Variants in CTNNA2 observed in about 807,000 individuals in gnomAD.
CTNNA2 encodes catenin alpha 2.
Under a neutral mutation model 101.0 loss-of-function variants are expected in CTNNA2, and 42 were observed. That is an observed-to-expected ratio of 0.42 (90% CI 0.32 to 0.54). The LOEUF is 0.54. Ranked by LOEUF, CTNNA2 falls within the 20% of genes least tolerant of loss-of-function variation. The probability of loss-of-function intolerance (pLI) is 0.14; values close to 1 mark genes in which losing one functional copy is unlikely to be tolerated. For missense variants in CTNNA2, 871 were observed against 1,223.1 expected (o/e 0.71, Z 4.29); for synonymous variants, 450 against 456.4 (o/e 0.99, Z 0.18).
chr2:80,438,267 C>T (rs926892870), intron 9 of CTNNA2, among the ~76,000 whole-genome samples: 1 of 152,090 alleles, frequency 6.6e-6, no homozygotes. Flanking sequence ...TGGATTAGGG[C>T]CCATCCTCAT....
intron 7 of CTNNA2, among the ~76,000 whole-genome samples, chr2:80,183,000 G>A (rs1243648351): frequency 1.3e-5 from 2 of 152,172 alleles, no homozygotes; most frequent in Non-Finnish European, 2.9e-5. Context: ...ACTTCGGTTA[G>A]GACAGTTTGC....
chr2:80,300,537 T>C (rs922322347), intron 7 of CTNNA2, among the ~76,000 whole-genome samples: 2 of 152,056 alleles, frequency 1.3e-5, no homozygotes, highest in African/African-American at 4.8e-5. Flanking sequence ...CTAAGATTGG[T>C]AGCTGGAGAC....
chr2:79,221,875 C>A (rs1233554015), intron 2 of CTNNA2, among the ~76,000 whole-genome samples: 1 of 152,124 alleles, frequency 6.6e-6, no homozygotes, highest in Non-Finnish European at 1.5e-5. Context: ...AGGAGGGTAC[C>A]TGAGGACACT....
chr2:80,460,472 A>G (rs2149471283), intron 9 of CTNNA2, among the ~76,000 whole-genome samples: 1 of 152,298 alleles, frequency 6.6e-6, no homozygotes, highest in Admixed American at 6.5e-5. Flanking sequence ...CATAGGCTTT[A>G]AGAAAAAGCT....
chr2:79,884,187 T>G (rs1176038201), intron 6 of CTNNA2, among the ~76,000 whole-genome samples: 3 of 152,228 alleles, frequency 2.0e-5, no homozygotes, highest in African/African-American at 7.2e-5. Context: ...TTCTCCCAAC[T>G]TGCCCTGGGA....
rs1676435691 is a variant in CTNNA2, at chr2:80,302,577, C to T, written c.1057-90634C>T. 1 of 1,607,570 alleles carries T rather than the reference C, an allele frequency of 6.2e-7. No individual in the cohort carries two copies. Among genetic ancestry groups the T allele is most frequent in the African/African-American group, 1.3e-5 (1 of 74,942 alleles). ...ACGGCGTTCTCGGCGTGCTCGCCGC[C>T]TGGAAGAGCCACGGTGGCAGGCTCG... On this transcript the variant is annotated intron_variant, in intron 7 of 18. Coordinates refer to ENST00000402739, the MANE Select transcript of CTNNA2 (RefSeq NM_001282597.3). The surrounding 1 kb of genome is among the most constrained non-coding windows in gnomAD (Gnocchi z 6.4).
intron 6 of CTNNA2, among the ~76,000 whole-genome samples, chr2:79,887,314 G>C (rs1347711418): frequency 6.6e-6 from 1 of 152,178 alleles, no homozygotes; most frequent in Non-Finnish European, 1.5e-5. Context: ...CAGGTCATGA[G>C]AATTGTACTT....
At chr2:79,960,947 C>T (rs764661144) in intron 7 of CTNNA2, among the ~76,000 whole-genome samples, 8 of 152,168 alleles carry the variant, frequency 5.3e-5, no homozygotes, top group Non-Finnish European at 1.0e-4. Flanking sequence ...GATACAGTGA[C>T]CTTTACATGG....
chr2:80,304,919 A>C, intron 7 of CTNNA2: 1 of 288,870 alleles, frequency 3.5e-6, no homozygotes, highest in Non-Finnish European at 5.1e-6. Flanking sequence ...AAAAAAAAAA[A>C]AAAAAAAAAA....
chr2:80,410,317 G>A (rs926199028), intron 8 of CTNNA2, among the ~76,000 whole-genome samples: 3 of 152,222 alleles, frequency 2.0e-5, no homozygotes, highest in Non-Finnish European at 4.4e-5. Flanking sequence ...AATTGCTAGA[G>A]CAGGTATGAT....
chr2:79,336,862 A>G (rs1014931269), intron 3 of CTNNA2, among the ~76,000 whole-genome samples: 6 of 152,156 alleles, frequency 3.9e-5, no homozygotes, highest in Admixed American at 2.0e-4. Flanking sequence ...GGTGTTGTCT[A>G]TTTGTAGCAG....
intron 7 of CTNNA2, among the ~76,000 whole-genome samples, chr2:80,109,292 C>T (rs1003504823): frequency 1.5e-5 from 2 of 137,874 alleles, no homozygotes; most frequent in African/African-American, 5.7e-5. Context: ...AACCCCATGT[C>T]TACTAAAATA....
intron 12 of CTNNA2, among the ~76,000 whole-genome samples, chr2:80,572,361 CTATT>C (rs1573317561): frequency 6.6e-6 from 1 of 152,074 alleles, no homozygotes; most frequent in South Asian, 2.1e-4. Context: ...TGGGATTAGT[CTATT>C]TATTTTATAT....
chr2:79,979,934 A>C (rs1169072851), intron 7 of CTNNA2, among the ~76,000 whole-genome samples: 1 of 152,170 alleles, frequency 6.6e-6, no homozygotes, highest in Non-Finnish European at 1.5e-5. Flanking sequence ...ATTGAAGCAG[A>C]CATGAAATAT....
intron 8 of CTNNA2, among the ~76,000 whole-genome samples, chr2:80,397,107 T>C (rs961270543): frequency 2.0e-5 from 3 of 152,202 alleles, no homozygotes; most frequent in Admixed American, 6.5e-5. Context: ...CCAAGATTAA[T>C]AAAAAACAAT....
At chr2:80,127,223 A>G (rs1401519958) in intron 7 of CTNNA2, among the ~76,000 whole-genome samples, 1 of 152,188 alleles carries the variant, frequency 6.6e-6, no homozygotes, top group Non-Finnish European at 1.5e-5. Flanking sequence ...TTACTATTTT[A>G]GATCAAAAGG....
chr2:79,697,919 T>C (rs965252728), intron 2 of CTNNA2: 2 of 152,010 alleles, frequency 1.3e-5, no homozygotes, highest in African/African-American at 4.8e-5. Context: ...AATAAGAAGG[T>C]ATACTCTAGA....
intron 4 of CTNNA2, among the ~76,000 whole-genome samples, chr2:79,459,917 A>G (rs1670862016): frequency 6.6e-6 from 1 of 152,144 alleles, no homozygotes; most frequent in Non-Finnish European, 1.5e-5. Flanking sequence ...AAATTATACA[A>G]CTTATGTATT....
chr2:80,429,032 A>G (rs962699914), intron 9 of CTNNA2, among the ~76,000 whole-genome samples: 1 of 152,292 alleles, frequency 6.6e-6, no homozygotes, highest in Non-Finnish European at 1.5e-5. Context: ...ATAATACTCT[A>G]TAAGAGCTAT....
Sources: gnomAD v4.1 joint callset for allele counts (sites outside exome capture counted in the v4.1 genomes callset) on GRCh38, gnomAD v4.1.1 for gene constraint, Gnocchi (gnomAD v3.1) non-coding constraint, MANE v1.5 for transcripts, NCBI Gene and HGNC (gene_info 2026-07-23, HGNC 2026-07-21) for gene names.